GRIP1: variants seen among roughly 807,000 people sequenced by gnomAD.
The protein encoded by GRIP1 is glutamate receptor interacting protein 1.
In GRIP1, 45 loss-of-function variants were observed where a neutral mutation model predicts 129.9. The ratio of observed to expected loss-of-function variants is 0.35; its 90% CI spans 0.27 to 0.44. The LOEUF is 0.44. GRIP1 is among the 20% of genes least tolerant of loss of function. The pLI, the probability that GRIP1 is intolerant of heterozygous loss-of-function variation, is 1.00. For missense variants in GRIP1, 1,196 were observed against 1,396.8 expected, an observed-to-expected ratio of 0.86 and a Z score of 2.29; for synonymous variants, 530 against 520.8, an observed-to-expected ratio of 1.02 and a Z score of -0.24.
intron 1 of GRIP1, among the ~76,000 whole-genome samples, chr12:66,666,251 T>C (rs767345022): frequency 6.6e-6 from 1 of 152,190 alleles, no homozygotes; most frequent in African/African-American, 2.4e-5. Flanking sequence ...AATACTATGA[T>C]GGAATCCCTA....
At chr12:66,572,197 C>T (rs531618708) in intron 2 of GRIP1, among the ~76,000 whole-genome samples, 117 of 152,228 alleles carry the variant, frequency 7.7e-4, no homozygotes, top group South Asian at 3.3e-3. Context: ...CAGGTAAAAA[C>T]CCTTGTATAT....
chr12:66,923,140 T>C (rs1246974847), intron 1 of GRIP1, among the ~76,000 whole-genome samples: 2 of 152,124 alleles, frequency 1.3e-5, no homozygotes, highest in African/African-American at 4.8e-5. Context: ...CTGAACCTAA[T>C]TGCAATTGAT....
intron 1 of GRIP1, among the ~76,000 whole-genome samples, chr12:66,895,515 C>G (rs1307912374): frequency 6.6e-6 from 1 of 152,122 alleles, no homozygotes; most frequent in East Asian, 1.9e-4. Flanking sequence ...CTAATGCACC[C>G]TTATAGTAGT....
chr12:67,006,457 G>A (rs562007706), intron 1 of GRIP1, among the ~76,000 whole-genome samples: 7 of 152,148 alleles, frequency 4.6e-5, no homozygotes, highest in East Asian at 1.9e-4. Flanking sequence ...CCCAGCTACC[G>A]GAGTGGTATA....
At chr12:66,506,097 T>C (rs904442352) in intron 7 of GRIP1, among the ~76,000 whole-genome samples, 1 of 152,146 alleles carries the variant, frequency 6.6e-6, no homozygotes, top group Non-Finnish European at 1.5e-5. Context: ...GGAGTGTAAA[T>C]TGGTGCAACC....
chr12:66,440,184 G>C (rs781739808), intron 13 of GRIP1, among the ~76,000 whole-genome samples: 5 of 151,576 alleles, frequency 3.3e-5, no homozygotes, highest in African/African-American at 1.2e-4. Flanking sequence ...AATTTTTGTG[G>C]GTACACAGTA....
intron 1 of GRIP1, among the ~76,000 whole-genome samples, chr12:66,923,327 AGAGT>A (rs1409360286): frequency 1.3e-5 from 2 of 152,166 alleles, no homozygotes; most frequent in Non-Finnish European, 2.9e-5. Flanking sequence ...TCTGGGCAAC[AGAGT>A]GAGACCCTGT....
intron 1 of GRIP1, among the ~76,000 whole-genome samples, chr12:66,708,369 C>T (rs1037088375): frequency 6.6e-6 from 1 of 151,924 alleles, no homozygotes; most frequent in African/African-American, 2.4e-5. Context: ...TGTTTAAACT[C>T]GAGCTACCTA....
chr12:67,014,082 A>G (rs1425619561), intron 1 of GRIP1, among the ~76,000 whole-genome samples: 1 of 152,208 alleles, frequency 6.6e-6, no homozygotes, highest in Non-Finnish European at 1.5e-5. Flanking sequence ...ATCTGTACAC[A>G]TGGAGACAGG....
In GRIP1 at chr12:66,362,142, C is replaced by CTTTT. The variant is rs10589880; in HGVS notation, c.3013-8583_3013-8580dup. ...TGGGCTAGAGTGTTACCAATTTAAT[C>CTTTT]TTTTTTTTTTTTTTTTTTTTTTTTT... On this transcript the variant is annotated intron_variant, in intron 23 of 24. Coordinates refer to ENST00000359742, the MANE Select transcript of GRIP1 (RefSeq NM_001366722.1). Among the ~76,000 whole-genome samples the CTTTT allele has an allele frequency of 2.4e-4, 22 of 91,664 alleles. No individual in the cohort carries two copies. The East Asian group carries it at 3.1e-3, about 13-fold the overall frequency. The allele number at this position is 91,664 out of a possible 152,430, so 60.1% of individuals were successfully genotyped here.
rs146572702 is a variant in GRIP1 at position 66,979,738 on chromosome 12, T to C, written c.58+89312A>G. Among the ~76,000 whole-genome samples, 4 of 152,170 alleles carry C rather than the reference T, an allele frequency of 2.6e-5. No individual in the cohort carries two copies. In the East Asian group the frequency reaches 7.7e-4, roughly 29 times the overall value. On this transcript the variant is annotated intron_variant, in intron 1 of 1. Transcript: ENST00000643019. ...CCTAATCCAACATGACAGGTGTCCT[T>C]AAAAAAGGAAAATGACATACGAAAA...
chr12:66,755,813 G>A (rs1274488495), intron 1 of GRIP1, among the ~76,000 whole-genome samples: 1 of 152,200 alleles, frequency 6.6e-6, no homozygotes, highest in Non-Finnish European at 1.5e-5. Flanking sequence ...AATGGGGAGA[G>A]AGCAGGGCAG....
chr12:67,041,171 A>G (rs748507942), intron 1 of GRIP1, among the ~76,000 whole-genome samples: 1 of 151,996 alleles, frequency 6.6e-6, no homozygotes, highest in Admixed American at 6.6e-5. Context: ...CTCTCTCTCT[A>G]TATGTACACA....
Position 66,478,934 on chromosome 12 carries a change from C to T in GRIP1, c.725-13512G>A, listed in dbSNP as rs151105441. ...TAGGAAATATACCTAGTGTAAATGACGAGTTAATGGGTGCAGCACACCAAC... is the reference window on the plus strand; with the variant it reads ...TAGGAAATATACCTAGTGTAAATGATGAGTTAATGGGTGCAGCACACCAAC... On this transcript the variant is annotated intron_variant, in intron 7 of 24. Coordinates refer to ENST00000359742, the MANE Select transcript of GRIP1 (RefSeq NM_001366722.1). Among the ~76,000 whole-genome samples the T allele has an allele frequency of 3.2e-3, 486 of 151,912 alleles. 3 individuals are homozygous for T. The highest frequency in any genetic ancestry group is 5.8e-3 in the Non-Finnish European group (395 of 67,972).
chr12:66,721,788 T>C (rs985102264), intron 1 of GRIP1, among the ~76,000 whole-genome samples: 3 of 152,330 alleles, frequency 2.0e-5, no homozygotes, highest in South Asian at 4.1e-4. Flanking sequence ...ATCAATTATA[T>C]GAGCTAGATC....
At chr12:66,595,907 C>T (rs1254284190) in intron 2 of GRIP1, among the ~76,000 whole-genome samples, 1 of 152,132 alleles carries the variant, frequency 6.6e-6, no homozygotes, top group Non-Finnish European at 1.5e-5. Context: ...TCATCTTGCT[C>T]TTTATTCAAA....
intron 1 of GRIP1, among the ~76,000 whole-genome samples, chr12:66,873,284 A>G (rs1024183891): frequency 1.3e-5 from 2 of 151,946 alleles, no homozygotes; most frequent in Non-Finnish European, 2.9e-5. Context: ...AAGGAATTAG[A>G]CTCTACCTCC....
At chr12:66,669,186 G>A (rs2033950282) in intron 1 of GRIP1, among the ~76,000 whole-genome samples, 1 of 152,124 alleles carries the variant, frequency 6.6e-6, no homozygotes, top group Non-Finnish European at 1.5e-5. Flanking sequence ...GCCAAGGTGG[G>A]CAGATCACTT....
At chr12:66,947,373 A>G (rs1008758046) in intron 1 of GRIP1, among the ~76,000 whole-genome samples, 3 of 152,220 alleles carry the variant, frequency 2.0e-5, no homozygotes, top group Non-Finnish European at 4.4e-5. Flanking sequence ...CCATAAGGAT[A>G]TGCTCAGCCC....
Sources: gnomAD v4.1 joint callset for allele counts (sites outside exome capture counted in the v4.1 genomes callset) on GRCh38, gnomAD v4.1.1 for gene constraint, MANE v1.5 for transcripts, NCBI Gene and HGNC (gene_info 2026-07-23, HGNC 2026-07-21) for gene names.